The following FHIT variants were observed in gnomAD, a reference collection of about 807,000 sequenced individuals.
FHIT encodes bis(5'-adenosyl)-triphosphatase.
Under a neutral mutation model 17.9 loss-of-function variants are expected in FHIT, and 19 were observed. That is an observed-to-expected ratio of 1.06 (90% CI 0.74 to 1.56). FHIT has a LOEUF of 1.56. FHIT is among the 40% of genes most tolerant of loss of function. The pLI is 0.00. For missense variants in FHIT, 248 were observed against 189.2 expected (o/e 1.31, Z -1.82); for synonymous variants, 81 against 69.7 (o/e 1.16, Z -0.81).
intron 5 of FHIT, among the ~76,000 whole-genome samples, chr3:60,250,586 C>T (rs1705652171): frequency 6.6e-6 from 1 of 152,026 alleles, no homozygotes; most frequent in African/African-American, 2.4e-5. Flanking sequence ...TTTAGAATTT[C>T]CAGGGCATGG....
chr3:60,170,379 T>C (rs1009858265), intron 5 of FHIT, among the ~76,000 whole-genome samples: 6 of 152,180 alleles, frequency 3.9e-5, no homozygotes. Context: ...GTATCCCCAC[T>C]ATTTGAGCCA....
At chr3:59,970,895 C>A (rs1444929266) in intron 7 of FHIT, among the ~76,000 whole-genome samples, 1 of 143,148 alleles carries the variant, frequency 7.0e-6, no homozygotes, top group Non-Finnish European at 1.5e-5. Flanking sequence ...AACCGGTGAA[C>A]TAGTTGACGG....
intron 5 of FHIT, among the ~76,000 whole-genome samples, chr3:60,227,086 G>A (rs1198077618): frequency 6.6e-6 from 1 of 152,086 alleles, no homozygotes; most frequent in Non-Finnish European, 1.5e-5. Context: ...ATGGAACAAA[G>A]CCAAAGTAAG....
intron 3 of FHIT, among the ~76,000 whole-genome samples, chr3:60,864,719 G>A (rs529936124): frequency 5.8e-4 from 88 of 152,120 alleles, no homozygotes; most frequent in African/African-American, 1.9e-3. Context: ...AGCATGATAC[G>A]GTAAATCATC....
At chr3:60,713,309 C>T (rs1231503954) in intron 4 of FHIT, among the ~76,000 whole-genome samples, 11 of 150,312 alleles carry the variant, frequency 7.3e-5, no homozygotes, top group African/African-American at 2.7e-4. Context: ...GCACTAAATG[C>T]CCACAAGAGA....
intron 4 of FHIT, among the ~76,000 whole-genome samples, chr3:60,813,213 C>T (rs1553736580): frequency 6.6e-6 from 1 of 151,356 alleles, no homozygotes; most frequent in Non-Finnish European, 1.5e-5. Flanking sequence ...TGCTTGCCTC[C>T]ATGGGATGAC....
At chr3:60,023,552 C>T (rs1227367966) in intron 5 of FHIT, among the ~76,000 whole-genome samples, 1 of 152,198 alleles carries the variant, frequency 6.6e-6, no homozygotes, top group Non-Finnish European at 1.5e-5. Context: ...TCCCTCAGAT[C>T]TTCCATATAG....
chr3:60,605,727 C>A (rs549439873), intron 4 of FHIT, among the ~76,000 whole-genome samples: 2 of 152,104 alleles, frequency 1.3e-5, no homozygotes, highest in East Asian at 3.9e-4. Context: ...GCTAGAGGTA[C>A]GGACAGGAGG....
intron 2 of FHIT, among the ~76,000 whole-genome samples, chr3:61,086,377 C>G (rs1013237777): frequency 1.3e-5 from 2 of 152,052 alleles, no homozygotes; most frequent in South Asian, 4.2e-4. Context: ...TTGAACATTA[C>G]CTTACCACTC....
intron 2 of FHIT, among the ~76,000 whole-genome samples, chr3:61,115,333 C>T (rs9850400): frequency 0.64 from 97,077 of 151,774 alleles, 32,025 homozygotes; most frequent in South Asian, 0.74. Context: ...GGAGGTATCA[C>T]TGTGTCTAGA....
chr3:60,557,012 T>G (rs1230180325), intron 4 of FHIT, among the ~76,000 whole-genome samples: 1 of 152,218 alleles, frequency 6.6e-6, no homozygotes, highest in African/African-American at 2.4e-5. Flanking sequence ...GTTAGAAAAC[T>G]TGTGCAGTAA....
At chr3:60,826,980 T>C (rs1187787779) in intron 3 of FHIT, among the ~76,000 whole-genome samples, 1 of 152,132 alleles carries the variant, frequency 6.6e-6, no homozygotes, top group Non-Finnish European at 1.5e-5. Flanking sequence ...GTTCTAGGAC[T>C]TGAGATTAGG....
chr3:61,007,714 G>A (rs1199132171), intron 3 of FHIT, among the ~76,000 whole-genome samples: 1 of 152,186 alleles, frequency 6.6e-6, no homozygotes, highest in Non-Finnish European at 1.5e-5. Flanking sequence ...TTCAGAAGCT[G>A]TTGATGTTCC....
intron 3 of FHIT, among the ~76,000 whole-genome samples, chr3:60,993,281 C>T (rs1559894189): frequency 6.6e-6 from 1 of 152,198 alleles, no homozygotes; most frequent in Admixed American, 6.5e-5. Flanking sequence ...CTTTAGTCTT[C>T]GTCTCTGGGT....
chr3:60,528,908 C>T (rs1474998035), intron 5 of FHIT, among the ~76,000 whole-genome samples: 1 of 152,192 alleles, frequency 6.6e-6, no homozygotes, highest in Non-Finnish European at 1.5e-5. Flanking sequence ...TGACATTGGT[C>T]AGTACCACCT....
intron 4 of FHIT, among the ~76,000 whole-genome samples, chr3:60,800,453 T>C (rs1701148421): frequency 6.6e-6 from 1 of 152,146 alleles, no homozygotes; most frequent in South Asian, 2.1e-4. Flanking sequence ...GTGTTCCCCA[T>C]CTGACTCTTA....
At chr3:60,206,128 G>C (rs1374687755) in intron 5 of FHIT, among the ~76,000 whole-genome samples, 2 of 122,952 alleles carry the variant, frequency 1.6e-5, no homozygotes, top group South Asian at 5.1e-4. Context: ...GCGAGACTCC[G>C]TCTCAAAAAA....
chr3:60,697,150 T>C (rs2041132418), intron 4 of FHIT, among the ~76,000 whole-genome samples: 1 of 152,196 alleles, frequency 6.6e-6, no homozygotes, highest in Admixed American at 6.5e-5. Flanking sequence ...TATAATTCAA[T>C]TTATATAAAA....
chr3:60,113,379 G>C (rs1048056683), intron 5 of FHIT, among the ~76,000 whole-genome samples: 1 of 150,510 alleles, frequency 6.6e-6, no homozygotes, highest in Non-Finnish European at 1.5e-5. Context: ...TTCCCAGTTA[G>C]GCCAGCTTAG....
Sources: gnomAD v4.1 joint callset for allele counts (sites outside exome capture counted in the v4.1 genomes callset) on GRCh38, gnomAD v4.1.1 for gene constraint, MANE v1.5 for transcripts, NCBI Gene and HGNC (gene_info 2026-07-23, HGNC 2026-07-21) for gene names.